Variants in ADARB1 observed in about 807,000 individuals in gnomAD.
The protein encoded by ADARB1 is double-stranded RNA-specific editase 1.
In ADARB1, 10 loss-of-function variants were observed where a neutral mutation model predicts 52.4. The ratio of observed to expected loss-of-function variants is 0.19; its 90% CI spans 0.12 to 0.32. The LOEUF is 0.32. ADARB1 is among the 10% of genes least tolerant of loss of function. The pLI, the probability that ADARB1 is intolerant of heterozygous loss-of-function variation, is 1.00. For missense variants in ADARB1, 643 were observed against 922.3 expected, an observed-to-expected ratio of 0.70 and a Z score of 3.92; for synonymous variants, 349 against 371.1, an observed-to-expected ratio of 0.94 and a Z score of 0.68.
chr21:45,210,671 C>T (rs1387505422), intron 9 of ADARB1, among the ~76,000 whole-genome samples: 1 of 152,220 alleles, frequency 6.6e-6, no homozygotes, highest in African/African-American at 2.4e-5. Context: ...GCAGACACCA[C>T]GAGGCTTGCA....
chr21:45,163,540 C>T (rs1444401448), intron 2 of ADARB1, among the ~76,000 whole-genome samples: 2 of 152,210 alleles, frequency 1.3e-5, no homozygotes, highest in Non-Finnish European at 2.9e-5. Context: ...TCCCCCCCAC[C>T]TCCACCCTGC....
intron 9 of ADARB1, among the ~76,000 whole-genome samples, chr21:45,210,851 G>A: frequency 6.6e-6 from 1 of 152,350 alleles, no homozygotes; most frequent in East Asian, 1.9e-4. Context: ...ATCACTGTGA[G>A]CCTCTCAGCC....
intron 2 of ADARB1, among the ~76,000 whole-genome samples, chr21:45,134,132 G>T (rs1243517778): frequency 1.9e-5 from 2 of 103,560 alleles, no homozygotes; most frequent in African/African-American, 3.8e-5. Context: ...GCCCGACGGG[G>T]GTGTGTGCCC....
At chr21:45,137,578 C>A (rs1213536699) in intron 2 of ADARB1, among the ~76,000 whole-genome samples, 2 of 152,214 alleles carry the variant, frequency 1.3e-5, no homozygotes, top group African/African-American at 4.8e-5. Context: ...TTTGAAGTCT[C>A]TTCAGAGGAC....
At chr21:45,116,982 G>A (rs780082364) in intron 1 of ADARB1, 5 of 152,114 alleles carry the variant, frequency 3.3e-5, no homozygotes, top group Non-Finnish European at 7.4e-5. Flanking sequence ...GGCCTCTCAG[G>A]TCATTGAAAC....
chr21:45,205,101 A>G (rs536470195), intron 9 of ADARB1, among the ~76,000 whole-genome samples: 2 of 152,244 alleles, frequency 1.3e-5, no homozygotes, highest in East Asian at 3.9e-4. Flanking sequence ...TCTACAAAAA[A>G]TACAAAAAAA....
chr21:45,120,553 C>T (rs1307552589), intron 1 of ADARB1, among the ~76,000 whole-genome samples: 1 of 152,090 alleles, frequency 6.6e-6, no homozygotes, highest in African/African-American at 2.4e-5. Flanking sequence ...CAGATGTCTC[C>T]CTTTTGCCTT....
intron 3 of ADARB1, 43 bp from the exon 4 acceptor site, chr21:45,175,687 C>A (rs751028540): frequency 6.3e-7 from 1 of 1,597,320 alleles, no homozygotes; most frequent in Non-Finnish European, 8.5e-7. Context: ...TTACAAGATC[C>A]TGCAACGAAG....
chr21:45,103,346 G>A (rs444789), intron 1 of ADARB1, among the ~76,000 whole-genome samples: 143,764 of 151,940 alleles, frequency 0.95, 68,060 homozygotes, highest in East Asian at 0.98. Context: ...ATTCCAGCGC[G>A]TTACATTTAT....
At chr21:45,103,161 T>C (rs1381830992) in intron 1 of ADARB1, among the ~76,000 whole-genome samples, 1 of 152,160 alleles carries the variant, frequency 6.6e-6, no homozygotes, top group East Asian at 1.9e-4. Context: ...GACATCTCAA[T>C]GTCACGTGGG....
intron 5 of ADARB1, among the ~76,000 whole-genome samples, 173 bp from the exon 6 acceptor site, chr21:45,182,412 A>G (rs1232345595): frequency 2.0e-5 from 3 of 152,258 alleles, no homozygotes; most frequent in Admixed American, 6.5e-5. Flanking sequence ...TTGCGTGTAT[A>G]CATTTGCCCA....
chr21:45,093,348 G>A (rs2086632529), intron 1 of ADARB1, among the ~76,000 whole-genome samples: 1 of 152,190 alleles, frequency 6.6e-6, no homozygotes, highest in African/African-American at 2.4e-5. Context: ...AACTCCAGGC[G>A]AGGGCACACC....
intron 1 of ADARB1, among the ~76,000 whole-genome samples, chr21:45,098,228 C>T (rs1376654598): frequency 1.3e-5 from 2 of 152,058 alleles, no homozygotes; most frequent in Non-Finnish European, 2.9e-5. Context: ...ACTGTGACTT[C>T]CTCCTCACCC....
chr21:45,135,373 G>A (rs74932105), intron 2 of ADARB1, among the ~76,000 whole-genome samples: 2 of 152,250 alleles, frequency 1.3e-5, no homozygotes, highest in East Asian at 3.8e-4. Flanking sequence ...CATCCTCCTG[G>A]CACCCCTTAG....
At chr21:45,087,855 C>T (rs2086408252) in intron 1 of ADARB1, among the ~76,000 whole-genome samples, 1 of 152,130 alleles carries the variant, frequency 6.6e-6, no homozygotes, top group South Asian at 2.1e-4. Flanking sequence ...ATAATGTTGA[C>T]TGGATTCTGT....
intron 2 of ADARB1, among the ~76,000 whole-genome samples, chr21:45,146,971 C>T (rs1271756729): frequency 1.3e-5 from 2 of 152,204 alleles, no homozygotes; most frequent in Non-Finnish European, 2.9e-5. Flanking sequence ...CCTGGGGCCT[C>T]GGCTGGAGAG....
chr21:45,097,116 A>G (rs1802053634), intron 1 of ADARB1, among the ~76,000 whole-genome samples: 2 of 151,866 alleles, frequency 1.3e-5, no homozygotes, highest in Non-Finnish European at 2.9e-5. Context: ...GCTGGGAACT[A>G]GATGTAGTTC....
chr21:45,198,033 C>T (rs543874933), intron 8 of ADARB1, among the ~76,000 whole-genome samples: 53 of 151,998 alleles, frequency 3.5e-4, no homozygotes, highest in Non-Finnish European at 5.6e-4. Context: ...TCAGTTGTAC[C>T]GCAGTAACTC....
At chr21:45,171,401 C>T (rs374897463) in intron 2 of ADARB1, among the ~76,000 whole-genome samples, 8 of 152,274 alleles carry the variant, frequency 5.3e-5, no homozygotes, top group South Asian at 2.1e-4. Flanking sequence ...GGAATCCACG[C>T]GAGAAGTCTT....
Sources: allele counts gnomAD v4.1 joint callset (sites outside exome capture counted in the v4.1 genomes callset), GRCh38; gene constraint gnomAD v4.1.1; transcripts MANE v1.5; gene names NCBI Gene and HGNC (gene_info 2026-07-23, HGNC 2026-07-21).